Variants in TUNAR observed in about 807,000 individuals in gnomAD.
TUNAR encodes protein TUNAR.
At chr14:95,922,901 G>A in exon 3 of TUNAR, 1 of 399,032 alleles carries the variant, frequency 2.5e-6, no homozygotes, top group East Asian at 3.6e-5. Flanking sequence ...GGCAATGCTG[G>A]GGATTATCGG....
At chr14:95,884,372 C>T (rs997340805) in intron 2 of TUNAR, among the ~76,000 whole-genome samples, 1 of 152,136 alleles carries the variant, frequency 6.6e-6, no homozygotes, top group Non-Finnish European at 1.5e-5. Flanking sequence ...GCATTCACTC[C>T]AAGGAGCCAC....
intron 2 of TUNAR, among the ~76,000 whole-genome samples, chr14:95,908,800 ATGTAGT>A (rs1326535946): frequency 6.6e-6 from 1 of 152,174 alleles, no homozygotes; most frequent in Non-Finnish European, 1.5e-5. Flanking sequence ...AGGGAAGTTG[ATGTAGT>A]TTAGGTGACA....
At chr14:95,901,521 G>A (rs753982619) in intron 2 of TUNAR, among the ~76,000 whole-genome samples, 1 of 152,252 alleles carries the variant, frequency 6.6e-6, no homozygotes, top group Non-Finnish European at 1.5e-5. Context: ...GGGCACAGGA[G>A]TTAATCTTGT....
chr14:95,895,761 C>T lies in TUNAR; in HGVS notation c.12+18584C>T, dbSNP rs779342600. ...TTTTTTCTTGCTTTGAACCACAGCACGTGCTGTTGCCCCCACTGGAACACT... is the reference window on the plus strand; with the variant it reads ...TTTTTTCTTGCTTTGAACCACAGCATGTGCTGTTGCCCCCACTGGAACACT... On this transcript the variant is annotated intron_variant, in intron 2 of 2. Coordinates refer to ENST00000678517, the Ensembl canonical transcript of TUNAR. This position sits in a 1 kb window ranked among gnomAD's most constrained non-coding sequence, Gnocchi z 4.5. The T allele has an allele frequency of 3.5e-4, 54 of 152,464 alleles. No homozygotes were observed. The highest frequency in any genetic ancestry group is 8.3e-4 in the South Asian group (4 of 4,818). 9.4% of individuals were successfully genotyped at this position (152,464 alleles called of 1,614,324 possible).
chr14:95,879,534 A>G (rs948124101), intron 2 of TUNAR, among the ~76,000 whole-genome samples: 1 of 152,226 alleles, frequency 6.6e-6, no homozygotes, highest in African/African-American at 2.4e-5. Flanking sequence ...TGTGTCATAG[A>G]TCATACTACT....
chr14:95,923,070 G>A (rs916326252), exon 3 of TUNAR: 16 of 397,764 alleles, frequency 4.0e-5, no homozygotes, highest in Admixed American at 1.3e-4. Context: ...GGCTTGACCC[G>A]CACATACCAC....
chr14:95,885,495 G>A (rs576738189), intron 2 of TUNAR, among the ~76,000 whole-genome samples: 1 of 152,186 alleles, frequency 6.6e-6, no homozygotes, highest in Non-Finnish European at 1.5e-5. Context: ...CCTGAGAGAC[G>A]AGAAGGAATT....
intron 2 of TUNAR, among the ~76,000 whole-genome samples, chr14:95,909,177 T>A (rs745713546): frequency 2.7e-4 from 41 of 152,154 alleles, no homozygotes; most frequent in Non-Finnish European, 5.4e-4. Context: ...TCTCTTTAGA[T>A]CAGTGTTTAA....
At chr14:95,910,691 C>T (rs1161746573) in intron 2 of TUNAR, among the ~76,000 whole-genome samples, 1 of 141,684 alleles carries the variant, frequency 7.1e-6, no homozygotes, top group Non-Finnish European at 1.5e-5. Flanking sequence ...GCTGCCGTCT[C>T]CCTTGAGTGG....
At chr14:95,888,515 C>T (rs949709258) in intron 2 of TUNAR, among the ~76,000 whole-genome samples, 8 of 152,174 alleles carry the variant, frequency 5.3e-5, no homozygotes, top group Non-Finnish European at 1.0e-4. Flanking sequence ...GAGGCTTCCT[C>T]ACTCGCATGT....
chr14:95,920,322 C>G (rs1208359404), intron 2 of TUNAR, among the ~76,000 whole-genome samples: 1 of 152,100 alleles, frequency 6.6e-6, no homozygotes, highest in Non-Finnish European at 1.5e-5. Flanking sequence ...GTTTCTTGAT[C>G]TCGGTGCTAA....
chr14:95,900,993 C>A (rs949982510), intron 2 of TUNAR, among the ~76,000 whole-genome samples: 1 of 152,078 alleles, frequency 6.6e-6, no homozygotes, highest in African/African-American at 2.4e-5. Flanking sequence ...ATTTTTGTGC[C>A]CTTTACCTAT....
chr14:95,893,496 C>T lies in TUNAR; in HGVS notation c.12+16319C>T, dbSNP rs144407195. ...GGGTTGGGTCTGTTCTCAGGTTCTG[C>T]GTGTGTCCCTGATTCCTGAAGCTAC... On this transcript the variant is annotated intron_variant, in intron 2 of 2. Coordinates refer to ENST00000678517, the Ensembl canonical transcript of TUNAR. 3.3e-3 allele frequency among the ~76,000 whole-genome samples: 497 copies of T among 152,230 alleles called. 4 individuals are homozygous for T. The highest frequency in any genetic ancestry group is 0.011 in the African/African-American group (465 of 41,530).
chr14:95,915,019 T>G lies in TUNAR; in HGVS notation c.13-7762T>G, dbSNP rs1187001612. ...TGCAAGCTAAGCGAGAATATTTTGT[T>G]TTAAAGCAAAGGGCTTTCCTGACTG... On this transcript the variant is annotated intron_variant, in intron 2 of 2. Coordinates refer to ENST00000678517, the Ensembl canonical transcript of TUNAR. Among the ~76,000 whole-genome samples the G allele has an allele frequency of 2.0e-5, 3 of 152,210 alleles. No individual in the cohort carries two copies. In the East Asian group the frequency reaches 5.8e-4, roughly 29 times the overall value.
At chr14:95,898,799 AT>A (rs1272787357) in intron 2 of TUNAR, among the ~76,000 whole-genome samples, 1 of 152,118 alleles carries the variant, frequency 6.6e-6, no homozygotes, top group Non-Finnish European at 1.5e-5. Flanking sequence ...TAGTCCATGA[AT>A]TATTTCTGTC....
In TUNAR at chr14:95,893,674, C is replaced by T. The variant is rs577637067; in HGVS notation, c.12+16497C>T. Among the ~76,000 whole-genome samples the T allele has an allele frequency of 2.6e-5, 4 of 152,264 alleles. No homozygotes were observed. In the East Asian group the frequency reaches 7.7e-4, roughly 29 times the overall value. ...CCCGTTGCCAGAGACAGCTTTTGCT[C>T]AAGTGCTGGAGTTCTCAACCCAGCT... On this transcript the variant is annotated intron_variant, in intron 2 of 2. Coordinates refer to ENST00000678517, the Ensembl canonical transcript of TUNAR.
At chr14:95,921,697 G>A (rs1889699697) in intron 2 of TUNAR, among the ~76,000 whole-genome samples, 2 of 152,120 alleles carry the variant, frequency 1.3e-5, no homozygotes, top group African/African-American at 2.4e-5. Context: ...CCTGGAGAAA[G>A]CCACTCTCCT....
At chr14:95,883,526 G>A (rs1040455318) in intron 2 of TUNAR, among the ~76,000 whole-genome samples, 1 of 152,264 alleles carries the variant, frequency 6.6e-6, no homozygotes, top group Non-Finnish European at 1.5e-5. Context: ...GACACAGACA[G>A]CTGTAGTGTG....
intron 2 of TUNAR, among the ~76,000 whole-genome samples, chr14:95,879,707 G>GTTTTTT (rs112002523): frequency 2.7e-5 from 4 of 147,680 alleles, no homozygotes; most frequent in African/African-American, 9.9e-5. Context: ...CTTAAATCCA[G>GTTTTTT]TTTTTTTTTT....
Sources: gnomAD v4.1 joint callset for allele counts (sites outside exome capture counted in the v4.1 genomes callset) on GRCh38, gnomAD v4.1.1 for gene constraint, Gnocchi (gnomAD v3.1) non-coding constraint, MANE v1.5 for transcripts, NCBI Gene and HGNC (gene_info 2026-07-23, HGNC 2026-07-21) for gene names.